The following ARPC1A variants were observed in gnomAD, a reference collection of about 807,000 sequenced individuals.
ARPC1A encodes the protein actin-related protein 2/3 complex subunit 1A.
ARPC1A carries 8 observed loss-of-function variants against 46.9 expected under a neutral mutation model. The observed-to-expected ratio is 0.17, with a 90% CI of 0.10 to 0.31. ARPC1A has a LOEUF of 0.31. ARPC1A is among the 10% of genes least tolerant of loss of function. ARPC1A has a pLI of 1.00. For missense variants in ARPC1A, 286 were observed against 483.6 expected, an observed-to-expected ratio of 0.59 and a Z score of 3.83; for synonymous variants, 152 against 169.0, an observed-to-expected ratio of 0.90 and a Z score of 0.78.
At chr7:99,334,235 G>A (rs2150859480) in intron 2 of ARPC1A, among the ~76,000 whole-genome samples, 1 of 152,006 alleles carries the variant, frequency 6.6e-6, no homozygotes, top group South Asian at 2.1e-4. Context: ...GGTGGTACCT[G>A]CCTGTAATCC....
chr7:99,349,395 C>T (rs1732600492), intron 5 of ARPC1A, among the ~76,000 whole-genome samples: 1 of 151,948 alleles, frequency 6.6e-6, no homozygotes, highest in African/African-American at 2.4e-5. Context: ...AGGTACTGCG[C>T]TAGGCACTGT....
intron 3 of ARPC1A, 37 bp from the exon 4 acceptor site, chr7:99,344,256 G>C: frequency 6.2e-7 from 1 of 1,603,700 alleles, no homozygotes; most frequent in Non-Finnish European, 8.5e-7. Context: ...GTTTGTCATT[G>C]ACTGGGCAAA....
At position 99,350,631 on chromosome 7, in the gene ARPC1A, CTTTTTTTTTTTTTT is replaced by C. The variant is rs540737612; in HGVS notation, c.500+1691_500+1704del. Among the ~76,000 whole-genome samples, 181 of 67,578 alleles carry C rather than the reference CTTTTTTTTTTTTTT, an allele frequency of 2.7e-3. 3 individuals carry two copies. Among genetic ancestry groups the C allele is most frequent in the African/African-American group, 7.9e-3 (158 of 19,954 alleles). 44.3% of individuals were successfully genotyped at this position (67,578 alleles called of 152,430 possible). ...ATGGTAGGTTGGGAGATGAGGTGCA[CTTTTTTTTTTTTTT>C]TTTTTTTTTTTTTTTTTTGAGACAA... is the stretch of plus-strand genomic sequence containing the variant. On this transcript the variant is annotated intron_variant, in intron 5 of 9. Coordinates refer to ENST00000262942, the MANE Select transcript of ARPC1A (RefSeq NM_006409.4).
intron 9 of ARPC1A, 49 bp from the exon 10 acceptor site, chr7:99,365,842 G>A (rs761156018): frequency 7.5e-5 from 115 of 1,534,540 alleles, no homozygotes; most frequent in Non-Finnish European, 9.5e-5. Context: ...TACCTACCTC[G>A]GGGTAGACAC....
intron 5 of ARPC1A, among the ~76,000 whole-genome samples, chr7:99,352,271 A>C (rs1399882106): frequency 6.6e-6 from 1 of 152,138 alleles, no homozygotes. Context: ...TCTCCCCAGA[A>C]TGTGCAGTCC....
At chr7:99,342,885 G>A (rs1793378129) in intron 3 of ARPC1A, among the ~76,000 whole-genome samples, 1 of 151,688 alleles carries the variant, frequency 6.6e-6, no homozygotes, top group Non-Finnish European at 1.5e-5. Context: ...ACCACGCCCG[G>A]CTAATTTTTT....
intron 8 of ARPC1A, among the ~76,000 whole-genome samples, chr7:99,362,481 G>T (rs371114557): frequency 6.8e-6 from 1 of 146,900 alleles, no homozygotes; most frequent in Non-Finnish European, 1.5e-5. Context: ...ACAGGCGCCC[G>T]CCACCATGCC....
intron 8 of ARPC1A, chr7:99,360,168 C>T (rs148010199): frequency 1.3e-3 from 248 of 194,936 alleles, no homozygotes; most frequent in South Asian, 2.8e-3. Flanking sequence ...CTGTAGCTGT[C>T]GTTTCAAGTA....
intron 7 of ARPC1A, among the ~76,000 whole-genome samples, chr7:99,359,308 C>T (rs535367863): frequency 5.3e-5 from 8 of 151,992 alleles, no homozygotes; most frequent in East Asian, 3.9e-4. Context: ...TGGTGGCAGA[C>T]GCCTGTAATC....
chr7:99,340,462 T>C (rs1306573804), intron 3 of ARPC1A, among the ~76,000 whole-genome samples: 1 of 26,598 alleles, frequency 3.8e-5, no homozygotes, highest in African/African-American at 1.6e-4. Context: ...TTTTTTCTTT[T>C]AGACAGGGTC....
chr7:99,359,048 G>A (rs1460305321), intron 7 of ARPC1A, among the ~76,000 whole-genome samples: 1 of 146,290 alleles, frequency 6.8e-6, no homozygotes, highest in African/African-American at 2.6e-5. Flanking sequence ...AGCCAGGATG[G>A]TCTCAATCTC....
At chr7:99,362,817 T>G (rs1437366069) in intron 8 of ARPC1A, among the ~76,000 whole-genome samples, 1 of 152,066 alleles carries the variant, frequency 6.6e-6, no homozygotes, top group Non-Finnish European at 1.5e-5. Context: ...AGCTTCCAGA[T>G]AATTAGGCTA....
At chr7:99,357,695 G>A (rs1793663989) in intron 6 of ARPC1A, among the ~76,000 whole-genome samples, 1 of 152,128 alleles carries the variant, frequency 6.6e-6, no homozygotes. Flanking sequence ...CAGCCAGTGT[G>A]TCTGCCTGCC....
chr7:99,347,453 C>G lies in ARPC1A; in HGVS notation c.393-1399C>G, dbSNP rs562857284. Among the ~76,000 whole-genome samples the G allele has an allele frequency of 1.7e-4, 26 of 152,270 alleles. 1 individual carries two copies. Among genetic ancestry groups the G allele is most frequent in the South Asian group, 1.4e-3 (7 of 4,832 alleles). On this transcript the variant is annotated intron_variant, in intron 4 of 9. Coordinates refer to ENST00000262942, the MANE Select transcript of ARPC1A (RefSeq NM_006409.4). Reference sequence around the variant, plus strand: ...GGCGTGGTGGCTCATGCCTGTAATCCTAGCACTTTGGGAGGCTAAGGCAGG... The same window carrying G: ...GGCGTGGTGGCTCATGCCTGTAATCGTAGCACTTTGGGAGGCTAAGGCAGG...
intron 9 of ARPC1A, among the ~76,000 whole-genome samples, chr7:99,364,551 C>A (rs182836517): frequency 1.2e-4 from 18 of 152,164 alleles, no homozygotes; most frequent in African/African-American, 2.7e-4. Context: ...GGATTACAGG[C>A]GTGAGCCACT....
At chr7:99,346,611 C>T (rs149638529) in intron 4 of ARPC1A, among the ~76,000 whole-genome samples, 1 of 152,306 alleles carries the variant, frequency 6.6e-6, no homozygotes, top group African/African-American at 2.4e-5. Flanking sequence ...TACTTTAAAA[C>T]AACTTCTCAG....
rs1171914049 is a variant in ARPC1A at position 99,366,206 on chromosome 7, G to A, written c.*277G>A. 1.0e-5 allele frequency: 4 copies of A among 392,912 alleles called. No homozygotes were observed. Among genetic ancestry groups the A allele is most frequent in the Non-Finnish European group, 1.8e-5 (4 of 217,390 alleles). 24.3% of individuals were successfully genotyped at this position (392,912 alleles called of 1,614,324 possible). ...ATTGTCACACTAACTTAAAAGACAG[G>A]GTGAGGGAGATATGTAAATTGTCCA... On this transcript the variant is annotated 3_prime_UTR_variant, in exon 10 of 10. Coordinates refer to ENST00000262942, the MANE Select transcript of ARPC1A (RefSeq NM_006409.4).
At chr7:99,334,436 C>T (rs1329535053) in intron 2 of ARPC1A, among the ~76,000 whole-genome samples, 1 of 151,688 alleles carries the variant, frequency 6.6e-6, no homozygotes, top group Admixed American at 6.6e-5. Context: ...AGAAAAAGTC[C>T]AATTTCGCTT....
intron 2 of ARPC1A, among the ~76,000 whole-genome samples, chr7:99,333,961 A>G (rs1295975067): frequency 6.6e-6 from 1 of 150,966 alleles, no homozygotes; most frequent in Non-Finnish European, 1.5e-5. Context: ...ACATGGGGAA[A>G]CCCTGTCTCT....
Sources: allele counts gnomAD v4.1 joint callset (sites outside exome capture counted in the v4.1 genomes callset), GRCh38; gene constraint gnomAD v4.1.1; transcripts MANE v1.5; gene names NCBI Gene and HGNC (gene_info 2026-07-23, HGNC 2026-07-21).